The following NME7 variants were observed in gnomAD, a reference collection of about 807,000 sequenced individuals.
The protein encoded by NME7 is nucleoside diphosphate kinase 7.
A neutral mutation model predicts 49.1 loss-of-function variants in NME7; 41 were observed. That is an observed-to-expected ratio of 0.83 (90% CI 0.65 to 1.08). The LOEUF (loss-of-function observed/expected upper bound fraction) is 1.08. Ranked by LOEUF, NME7 falls within the 50% of genes least tolerant of loss-of-function variation. The pLI is 0.00. For missense variants in NME7, 423 were observed against 463.4 expected (o/e 0.91, Z 0.80); for synonymous variants, 139 against 150.6 (o/e 0.92, Z 0.56).
chr1:169,352,296 T>C (rs1393861981), intron 1 of NME7, among the ~76,000 whole-genome samples: 1 of 152,112 alleles, frequency 6.6e-6, no homozygotes, highest in Non-Finnish European at 1.5e-5. Flanking sequence ...ATCAATGTGA[T>C]ACATCATATC....
intron 10 of NME7, among the ~76,000 whole-genome samples, chr1:169,228,599 C>T (rs1322119518): frequency 6.6e-6 from 1 of 150,532 alleles, no homozygotes; most frequent in African/African-American, 2.4e-5. Context: ...ATGGCGTGAA[C>T]CCGGGAAGCG....
rs139066338 is a variant in NME7 at position 169,360,543 on chromosome 1, G to A, written c.3+7165C>T. Reference sequence around the variant, plus strand: ...ATTCCTGGCTCCTTCCTGCCTCTCAGATCTCTTCTCCTCCAGCTGTCCTCT... The same window carrying A: ...ATTCCTGGCTCCTTCCTGCCTCTCAAATCTCTTCTCCTCCAGCTGTCCTCT... On this transcript the variant is annotated intron_variant, in intron 1 of 11. Transcript: ENST00000367811. Among the ~76,000 whole-genome samples the A allele has an allele frequency of 7.9e-5, 12 of 152,236 alleles. No homozygotes were observed. The East Asian group carries it at 2.1e-3, about 27-fold the overall frequency.
chr1:169,219,331 GTAC>G (rs1177661701), intron 10 of NME7, among the ~76,000 whole-genome samples: 1 of 152,214 alleles, frequency 6.6e-6, no homozygotes, highest in Admixed American at 6.5e-5. Context: ...CATGTGCTAA[GTAC>G]TACATTGAAT....
At chr1:169,336,050 T>C (rs1004719245) in intron 1 of NME7, among the ~76,000 whole-genome samples, 1 of 151,964 alleles carries the variant, frequency 6.6e-6, no homozygotes, top group Admixed American at 6.6e-5. Context: ...TCCCTTCTGA[T>C]GTTCAGATGT....
intron 7 of NME7, among the ~76,000 whole-genome samples, chr1:169,250,576 T>A (rs1233107064): frequency 1.3e-5 from 2 of 152,126 alleles, no homozygotes; most frequent in Non-Finnish European, 2.9e-5. Flanking sequence ...GTTGTCAATT[T>A]ATCATCTTTC....
At chr1:169,191,755 T>G (rs953549925) in intron 10 of NME7, among the ~76,000 whole-genome samples, 1 of 152,188 alleles carries the variant, frequency 6.6e-6, no homozygotes, top group Non-Finnish European at 1.5e-5. Flanking sequence ...ATATCTCAGT[T>G]CAGTCTTAGT....
chr1:169,223,164 T>C (rs899771156), intron 10 of NME7, among the ~76,000 whole-genome samples: 3 of 152,192 alleles, frequency 2.0e-5, no homozygotes, highest in Admixed American at 6.5e-5. Context: ...TTCTGTATAA[T>C]TGAATTCAGT....
intron 8 of NME7, among the ~76,000 whole-genome samples, chr1:169,237,329 C>T (rs1647897224): frequency 6.6e-6 from 1 of 152,038 alleles, no homozygotes; most frequent in African/African-American, 2.4e-5. Context: ...GAACAAAATA[C>T]AGTTTTTGGT....
chr1:169,220,360 A>G (rs1164782945), intron 10 of NME7, among the ~76,000 whole-genome samples: 1 of 152,220 alleles, frequency 6.6e-6, no homozygotes, highest in Non-Finnish European at 1.5e-5. Context: ...ATACAATTAA[A>G]AGGTAAATTA....
At chr1:169,175,514 GGTTT>G (rs1659726443) in intron 10 of NME7, among the ~76,000 whole-genome samples, 1 of 152,128 alleles carries the variant, frequency 6.6e-6, no homozygotes, top group Non-Finnish European at 1.5e-5. Flanking sequence ...CAGCACAGTA[GGTTT>G]ATTTATGCCA....
intron 1 of NME7, among the ~76,000 whole-genome samples, chr1:169,335,877 G>A (rs925571806): frequency 6.6e-6 from 1 of 151,590 alleles, no homozygotes; most frequent in Non-Finnish European, 1.5e-5. Flanking sequence ...AAGGGTGAGT[G>A]AAAAGTGGCT....
intron 7 of NME7, among the ~76,000 whole-genome samples, chr1:169,280,881 G>A (rs12735442): frequency 0.25 from 37,128 of 151,216 alleles, 5,572 homozygotes; most frequent in Non-Finnish European, 0.34. Flanking sequence ...TTAGAAGTCA[G>A]GTAGCATAAT....
rs1282497807 is a variant in NME7, at chr1:169,270,504, A to C, written c.754+16799T>G. ...ACTTTATTCCTTTAACAATGACTAC[A>C]TTTTTCTCCCTGTAGATGATGAATG... On this transcript the variant is annotated intron_variant, in intron 7 of 11. Coordinates refer to ENST00000367811, the MANE Select transcript of NME7 (RefSeq NM_013330.5). Among the ~76,000 whole-genome samples, 2 of 133,654 alleles carry C rather than the reference A, an allele frequency of 1.5e-5. 1 individual carries two copies. Among genetic ancestry groups the C allele is most frequent in the Non-Finnish European group, 3.5e-5 (2 of 56,798 alleles). 87.7% of individuals were successfully genotyped at this position (133,654 alleles called of 152,430 possible).
Position 169,181,953 on chromosome 1 carries a change from T to C in NME7, c.991-12399A>G, listed in dbSNP as rs1222339773. On this transcript the variant is annotated intron_variant, in intron 10 of 11. Transcript: ENST00000367811. ...GCCTAGGGTCCACTCCATATTCTCCTCTTATCTTCTGGCTCTCCCTGGGCA... is the reference window on the plus strand; with the variant it reads ...GCCTAGGGTCCACTCCATATTCTCCCCTTATCTTCTGGCTCTCCCTGGGCA... 2.6e-5 allele frequency among the ~76,000 whole-genome samples: 4 copies of C among 152,102 alleles called. No homozygotes were observed. In the South Asian group the frequency reaches 6.2e-4, roughly 24 times the overall value.
At chr1:169,190,791 AC>A in intron 10 of NME7, 1 of 151,836 alleles carries the variant, frequency 6.6e-6, no homozygotes, top group South Asian at 6.9e-5. Context: ...AAGCAAGTGA[AC>A]TGTTTCTTTT....
chr1:169,274,134 C>G (rs1447958252), intron 7 of NME7, among the ~76,000 whole-genome samples: 1 of 131,158 alleles, frequency 7.6e-6, no homozygotes, highest in Non-Finnish European at 1.8e-5. Flanking sequence ...CCTGTTGTAT[C>G]CTGACTTTTT....
At chr1:169,173,045 T>C (rs1484466554) in intron 10 of NME7, among the ~76,000 whole-genome samples, 1 of 152,184 alleles carries the variant, frequency 6.6e-6, no homozygotes, top group African/African-American at 2.4e-5. Flanking sequence ...ATTCAGAGTG[T>C]CAGGATGGAG....
chr1:169,311,160 T>C (rs1651368339), intron 3 of NME7, among the ~76,000 whole-genome samples: 7 of 152,152 alleles, frequency 4.6e-5, no homozygotes, highest in Admixed American at 4.6e-4. Context: ...GGCTCACGCC[T>C]GTAATCCCAG....
At chr1:169,208,508 G>GA (rs1660731871) in intron 10 of NME7, among the ~76,000 whole-genome samples, 1 of 151,996 alleles carries the variant, frequency 6.6e-6, no homozygotes, top group East Asian at 1.9e-4. Flanking sequence ...GGATAACAAA[G>GA]AAAAAATGGC....
Sources: allele counts gnomAD v4.1 joint callset (sites outside exome capture counted in the v4.1 genomes callset), GRCh38; gene constraint gnomAD v4.1.1; transcripts MANE v1.5; gene names NCBI Gene and HGNC (gene_info 2026-07-23, HGNC 2026-07-21).